The following OXSR1 variants were observed in gnomAD, a reference collection of about 807,000 sequenced individuals.
The protein encoded by OXSR1 is serine/threonine-protein kinase OSR1.
OXSR1 carries 24 observed loss-of-function variants against 79.8 expected under a neutral mutation model. The ratio of observed to expected loss-of-function variants is 0.30; its 90% CI spans 0.22 to 0.42. OXSR1 has a LOEUF of 0.42. Among genes scored for constraint, OXSR1 ranks in the 10% least tolerant of loss-of-function variants. The pLI, the probability that OXSR1 is intolerant of heterozygous loss-of-function variation, is 1.00. For synonymous variants in OXSR1, 226 were observed against 209.2 expected, an observed-to-expected ratio of 1.08 and a Z score of -0.69; for missense variants, 430 against 618.4, an observed-to-expected ratio of 0.70 and a Z score of 3.23.
intron 3 of OXSR1, among the ~76,000 whole-genome samples, chr3:38,196,704 A>C (rs1369270603): frequency 6.6e-6 from 1 of 152,210 alleles, no homozygotes; most frequent in Non-Finnish European, 1.5e-5. Context: ...AGACTTAGTC[A>C]CTTTTTATGT....
At chr3:38,175,460 C>T (rs966851285) in intron 1 of OXSR1, among the ~76,000 whole-genome samples, 4 of 152,076 alleles carry the variant, frequency 2.6e-5, no homozygotes, top group Admixed American at 2.0e-4. Flanking sequence ...CCACCACACC[C>T]GGCTAATTTT....
At chr3:38,171,222 A>G (rs1314997892) in intron 1 of OXSR1, among the ~76,000 whole-genome samples, 5 of 152,178 alleles carry the variant, frequency 3.3e-5, no homozygotes, top group Non-Finnish European at 7.3e-5. Context: ...AGCCTAGTAT[A>G]AGTAGCAAGT....
intron 1 of OXSR1, among the ~76,000 whole-genome samples, chr3:38,176,328 C>A (rs1434270227): frequency 6.6e-6 from 1 of 152,030 alleles, no homozygotes; most frequent in Admixed American, 6.6e-5. Context: ...TAGATTATTG[C>A]AAAATATTGG....
At chr3:38,246,889 T>C (rs1703152408) in intron 13 of OXSR1, among the ~76,000 whole-genome samples, 1 of 152,198 alleles carries the variant, frequency 6.6e-6, no homozygotes, top group East Asian at 1.9e-4. Flanking sequence ...TCAACGTCCA[T>C]TTATTAAATA....
At chr3:38,230,265 C>A in intron 9 of OXSR1, 100 bp from the exon 10 acceptor site, 2 of 749,096 alleles carry the variant, frequency 2.7e-6, no homozygotes, top group African/African-American at 1.8e-5. Flanking sequence ...CATTACAGAA[C>A]AGTTACTATA....
Position 38,165,558 on chromosome 3 carries a change from T to TGGAGGGCGGGACAGAGGGGCTGGGGG in OXSR1, c.-295_-294insGGGGAGGGCGGGACAGAGGGGCTGGG. On this transcript the variant is annotated 5_prime_UTR_variant, in exon 1 of 18. Transcript: ENST00000311806. ...GTTTGGCCCGTGCGTGGGGCTGGGG[T>TGGAGGGCGGGACAGAGGGGCTGGGGG]GGAGGGCGGGACAGAGGGGCTGGGC... 3.1e-6 allele frequency: 1 copy of TGGAGGGCGGGACAGAGGGGCTGGGGG among 318,450 alleles called. No individual in the cohort carries two copies. The highest frequency in any genetic ancestry group is 5.8e-6 in the Non-Finnish European group (1 of 173,192). The allele number at this position is 318,450 out of a possible 1,614,324, so 19.7% of individuals were successfully genotyped here.
intron 6 of OXSR1, among the ~76,000 whole-genome samples, chr3:38,222,560 C>T (rs978873279): frequency 6.6e-6 from 1 of 152,144 alleles, no homozygotes; most frequent in African/African-American, 2.4e-5. Context: ...GCAGCACATA[C>T]TATTGATCCT....
At chr3:38,239,170 A>G (rs891214124) in intron 11 of OXSR1, among the ~76,000 whole-genome samples, 3 of 152,150 alleles carry the variant, frequency 2.0e-5, no homozygotes, top group Non-Finnish European at 1.5e-5. Flanking sequence ...TAATACAGCT[A>G]TGATAACTAT....
In OXSR1 at chr3:38,202,216, C is replaced by T. The variant is rs546011673; in HGVS notation, c.434+3353C>T. On this transcript the variant is annotated intron_variant, in intron 4 of 17. Coordinates refer to ENST00000311806, the MANE Select transcript of OXSR1 (RefSeq NM_005109.3). ...CAGATGACCCAGGTAGAGTGGAGGA[C>T]GGGGTCTTTAGAGATGGCATCAGTG... Among the ~76,000 whole-genome samples the T allele has an allele frequency of 3.3e-5, 5 of 152,160 alleles. No individual in the cohort carries two copies. In the South Asian group the frequency reaches 6.2e-4, roughly 19 times the overall value.
chr3:38,180,878 T>C (rs1701772261), intron 1 of OXSR1, among the ~76,000 whole-genome samples: 1 of 152,120 alleles, frequency 6.6e-6, no homozygotes. Context: ...TGACTGACCC[T>C]CCTGCTTCCC....
chr3:38,235,036 A>G (rs1264147742), intron 10 of OXSR1, among the ~76,000 whole-genome samples: 1 of 152,168 alleles, frequency 6.6e-6, no homozygotes, highest in Non-Finnish European at 1.5e-5. Flanking sequence ...AAAATAGGCA[A>G]ATGTAAAGAG....
Position 38,230,347 on chromosome 3 carries a change from CT to C in OXSR1, c.886-16del. 6.5e-7 allele frequency: 1 copy of C among 1,534,096 alleles called. No homozygotes were observed. Among genetic ancestry groups the C allele is most frequent in the Non-Finnish European group, 9.0e-7 (1 of 1,117,296 alleles). On this transcript the variant is annotated splice_polypyrimidine_tract_variant and intron_variant, in intron 9 of 17. Coordinates refer to ENST00000311806, the MANE Select transcript of OXSR1 (RefSeq NM_005109.3). ...CTTAAAAACTTGTAAGAACAAAATACTTACTTTTCCTCTCCAGAATAAAGAA... is the reference window on the plus strand; with the variant it reads ...CTTAAAAACTTGTAAGAACAAAATACTACTTTTCCTCTCCAGAATAAAGAA...
chr3:38,198,920 T>G (rs1702114022), intron 4 of OXSR1, 57 bp downstream of exon 4: 7 of 1,452,380 alleles, frequency 4.8e-6, no homozygotes, highest in Non-Finnish European at 6.7e-6. Context: ...ATTCCCACTC[T>G]TTTACAGAAT....
chr3:38,172,283 A>G (rs1187689741), intron 1 of OXSR1, among the ~76,000 whole-genome samples: 1 of 151,844 alleles, frequency 6.6e-6, no homozygotes, highest in African/African-American at 2.4e-5. Context: ...GGCCTCATTC[A>G]GGTTTAGATG....
rs1187580371 is a variant in OXSR1 at position 38,224,676 on chromosome 3, T to C, written c.808T>C (p.Leu270=). The C allele has an allele frequency of 1.3e-6, 2 of 1,580,726 alleles. No homozygotes were observed. The highest frequency in any genetic ancestry group is 2.3e-5 in the South Asian group (2 of 85,742). The change falls in exon 8 of 18, where the codon TTG becomes CTG. Residue 270 remains leucine, a synonymous_variant. Transcript: ENST00000311806. ...AAAATCATTTAGAAAAATGATTTCATTGTGCCTTCAAAAAGATCCAGAAAA... is the reference window on the plus strand; with the variant it reads ...AAAATCATTTAGAAAAATGATTTCACTGTGCCTTCAAAAAGATCCAGAAAA... ...YGKSFRKMIS[L]CLQKDPEKRP... is the part of the protein sequence containing the mutation.
At chr3:38,233,488 A>G (rs1702853873) in intron 10 of OXSR1, among the ~76,000 whole-genome samples, 1 of 152,222 alleles carries the variant, frequency 6.6e-6, no homozygotes, top group African/African-American at 2.4e-5. Context: ...ATCTAGGATC[A>G]CAGGATACCT....
At position 38,242,658 on chromosome 3, in the gene OXSR1, G is replaced by A. The variant is rs34179618; in HGVS notation, c.1075-85G>A. 452 of 699,644 alleles carry A rather than the reference G, an allele frequency of 6.5e-4. 1 individual carries two copies. In the African/African-American group the frequency reaches 7.3e-3, roughly 11 times the overall value. The allele number at this position is 699,644 out of a possible 1,614,324, so 43.3% of individuals were successfully genotyped here. A position where few individuals can be genotyped will look rare whatever the true frequency, so the allele number is the denominator to read the frequency against. ...GATCAGAATTAAATGGAGTTGATTT[G>A]CATTTAACATCACTTGCAGTTTGGG... On this transcript the variant is annotated intron_variant, in intron 11 of 17. Coordinates refer to ENST00000311806, the MANE Select transcript of OXSR1 (RefSeq NM_005109.3).
chr3:38,227,684 G>A (rs1702720159), intron 8 of OXSR1, among the ~76,000 whole-genome samples: 1 of 152,052 alleles, frequency 6.6e-6, no homozygotes, highest in South Asian at 2.1e-4. Context: ...ATTTTCGAGA[G>A]TTGATGAAAG....
intron 2 of OXSR1, among the ~76,000 whole-genome samples, chr3:38,187,300 T>C (rs1057376689): frequency 6.6e-6 from 1 of 152,222 alleles, no homozygotes; most frequent in Non-Finnish European, 1.5e-5. Context: ...ATGACCCACA[T>C]AGATTACAAC....
Sources: allele counts gnomAD v4.1 joint callset (sites outside exome capture counted in the v4.1 genomes callset), GRCh38; gene constraint gnomAD v4.1.1; transcripts MANE v1.5; gene names NCBI Gene and HGNC (gene_info 2026-07-23, HGNC 2026-07-21).